FAM204A: variants seen among roughly 807,000 people sequenced by gnomAD.
FAM204A encodes the protein protein FAM204A.
In FAM204A, 16 loss-of-function variants were observed where a neutral mutation model predicts 35.4. The ratio of observed to expected loss-of-function variants is 0.45; its 90% CI spans 0.31 to 0.69. The LOEUF is 0.69. Ranked by LOEUF, FAM204A falls within the 30% of genes least tolerant of loss-of-function variation. The probability of loss-of-function intolerance (pLI) is 0.07; values close to 1 mark genes in which losing one functional copy is unlikely to be tolerated. For synonymous variants in FAM204A, 76 were observed against 86.9 expected, an observed-to-expected ratio of 0.88 and a Z score of 0.70; for missense variants, 240 against 265.7, an observed-to-expected ratio of 0.90 and a Z score of 0.67.
chr10:118,335,985 T>C, intron 3 of FAM204A, 197 bp downstream of exon 3: 1 of 597,944 alleles, frequency 1.7e-6, no homozygotes, highest in African/African-American at 1.9e-5. Flanking sequence ...TCCCCCTCCG[T>C]CTTTCTATGA....
At position 118,335,444 on chromosome 10, in the gene FAM204A, A is replaced by C. The variant is rs974059407; in HGVS notation, c.323-18T>G. 3.8e-6 allele frequency: 6 copies of C among 1,598,006 alleles called. No homozygotes were observed. In the African/African-American group the frequency reaches 8.1e-5, roughly 22 times the overall value. On this transcript the variant is annotated intron_variant, in intron 4 of 8. Coordinates refer to ENST00000369183, the MANE Select transcript of FAM204A (RefSeq NM_022063.3). Reference sequence around the variant, plus strand: ...CAATTTATCTGAAAAGAATTCACAAAGTGTCAATACCTAACTTCAGTAATT... The same window carrying C: ...CAATTTATCTGAAAAGAATTCACAACGTGTCAATACCTAACTTCAGTAATT...
chr10:118,340,949 G>A (rs1290478893), intron 2 of FAM204A, among the ~76,000 whole-genome samples: 10 of 152,096 alleles, frequency 6.6e-5, no homozygotes, highest in South Asian at 4.1e-4. Flanking sequence ...AGTTGTAAGC[G>A]GGGACAAGGA....
chr10:118,338,220 C>T (rs1164440533), intron 2 of FAM204A, among the ~76,000 whole-genome samples: 2 of 152,176 alleles, frequency 1.3e-5, no homozygotes, highest in Admixed American at 1.3e-4. Flanking sequence ...CCAGATCTAT[C>T]CCTAAACCTG....
rs1845872483 is a variant in FAM204A at position 118,306,923 on chromosome 10, A to G, written c.*3934T>C. 1 of 152,094 alleles carries G rather than the reference A, an allele frequency of 6.6e-6. No homozygotes were observed. The highest frequency in any genetic ancestry group is 1.5e-5 in the Non-Finnish European group (1 of 68,014). The allele number at this position is 152,094 out of a possible 1,614,324, so 9.4% of individuals were successfully genotyped here. A position where few individuals can be genotyped will look rare whatever the true frequency, so the allele number is the denominator to read the frequency against. On this transcript the variant is annotated 3_prime_UTR_variant, in exon 9 of 9. Coordinates refer to ENST00000369183, the MANE Select transcript of FAM204A (RefSeq NM_022063.3). ...TTAAAGCAAGCAGTGTGGAGGGAGG[A>G]TGAAATAATAAAGATTAAAGAATGC... is the stretch of plus-strand genomic sequence containing the variant.
chr10:118,336,553 T>C (rs1846390959), intron 2 of FAM204A, 130 bp from the exon 3 acceptor site: 6 of 762,464 alleles, frequency 7.9e-6, no homozygotes, highest in Non-Finnish European at 1.2e-5. Context: ...ACTTTTTTTT[T>C]TTAATCTAAA....
Position 118,303,946 on chromosome 10 carries a change from A to C in FAM204A, c.*6911T>G, listed in dbSNP as rs1291636916. On this transcript the variant is annotated 3_prime_UTR_variant, in exon 9 of 9. Coordinates refer to ENST00000369183, the MANE Select transcript of FAM204A (RefSeq NM_022063.3). The stretch of plus-strand genomic sequence containing the variant: ...CATGGGCTTTGCTCCCTCCCTTACA[A>C]ATGTTTCCTGAAGTGCATACTTTTA... 3 of 152,144 alleles carry C rather than the reference A, an allele frequency of 2.0e-5. No homozygotes were observed. Among genetic ancestry groups the C allele is most frequent in the Non-Finnish European group, 4.4e-5 (3 of 68,042 alleles). 9.4% of individuals were successfully genotyped at this position (152,144 alleles called of 1,614,324 possible).
At chr10:118,331,179 TAG>T (rs1383895094) in intron 6 of FAM204A, among the ~76,000 whole-genome samples, 2 of 152,116 alleles carry the variant, frequency 1.3e-5, no homozygotes, top group East Asian at 1.9e-4. Flanking sequence ...TCTCATGAAA[TAG>T]AGTCTGAGTA....
rs1176721837 is a variant in FAM204A, at chr10:118,306,384, A to ATATAAAAGCACATACTTAAAT, written c.*4452_*4472dup. 1.8e-4 allele frequency: 27 copies of ATATAAAAGCACATACTTAAAT among 152,328 alleles called. No homozygotes were observed. The highest frequency in any genetic ancestry group is 3.4e-3 in the Middle Eastern group (1 of 294). The allele number at this position is 152,328 out of a possible 1,614,324, so 9.4% of individuals were successfully genotyped here. On this transcript the variant is annotated 3_prime_UTR_variant, in exon 9 of 9. Coordinates refer to ENST00000369183, the MANE Select transcript of FAM204A (RefSeq NM_022063.3). ...TGCTTCCTTGAGAAACCTGGTCCGG[A>ATATAAAAGCACATACTTAAAT]TATAAAAGCACATACTTAAATTCAA...
chr10:118,314,898 A>G (rs748824037), intron 7 of FAM204A, among the ~76,000 whole-genome samples: 1 of 152,174 alleles, frequency 6.6e-6, no homozygotes, highest in Non-Finnish European at 1.5e-5. Context: ...CAGTAAGGAA[A>G]ATTAAGCTCT....
rs555832080 is a variant in FAM204A at position 118,298,262 on chromosome 10, TAA to T, written c.*12593_*12594del. 6.6e-6 allele frequency: 1 copy of T among 152,220 alleles called. No individual in the cohort carries two copies. Among genetic ancestry groups the T allele is most frequent in the South Asian group, 2.1e-4 (1 of 4,832 alleles). The allele number at this position is 152,220 out of a possible 1,614,324, so 9.4% of individuals were successfully genotyped here. A position where few individuals can be genotyped will look rare whatever the true frequency, so the allele number is the denominator to read the frequency against. On this transcript the variant is annotated 3_prime_UTR_variant, in exon 9 of 9. Coordinates refer to ENST00000369183, the MANE Select transcript of FAM204A (RefSeq NM_022063.3). ...GCCAGACAGGAAATCCACTGGTATT[TAA>T]AAAGATAGGTTGTGTGCATGGTACA...
intron 6 of FAM204A, among the ~76,000 whole-genome samples, chr10:118,329,934 CT>C (rs1345402492): frequency 6.6e-6 from 1 of 151,960 alleles, no homozygotes; most frequent in Non-Finnish European, 1.5e-5. Context: ...AATAATGCCC[CT>C]ATGGTTAAAA....
rs1350927143 is a variant in FAM204A at position 118,298,192 on chromosome 10, AACCC to A, written c.*12661_*12664del. 6.6e-6 allele frequency: 1 copy of A among 152,196 alleles called. No homozygotes were observed. The highest frequency in any genetic ancestry group is 1.5e-5 in the Non-Finnish European group (1 of 68,044). The allele number at this position is 152,196 out of a possible 1,614,324, so 9.4% of individuals were successfully genotyped here. On this transcript the variant is annotated 3_prime_UTR_variant, in exon 9 of 9. Transcript: ENST00000369183. ...TTTTTGAGCCCCAGTCCCTGGAACTAACCCATCTACTTTCCTTGAATCTCTTCCT... is the reference window on the plus strand; with the variant it reads ...TTTTTGAGCCCCAGTCCCTGGAACTAATCTACTTTCCTTGAATCTCTTCCT...
At chr10:118,335,041 C>A in intron 6 of FAM204A, 73 bp downstream of exon 6, 4 of 1,072,556 alleles carry the variant, frequency 3.7e-6, no homozygotes, top group South Asian at 1.4e-5. Context: ...TTAATGAGGA[C>A]AAGTACTTTA....
At chr10:118,328,815 A>G (rs1305383898) in intron 6 of FAM204A, among the ~76,000 whole-genome samples, 2 of 152,040 alleles carry the variant, frequency 1.3e-5, no homozygotes, top group Non-Finnish European at 2.9e-5. Context: ...AAAACTACCC[A>G]CTATCTCCTC....
At chr10:118,335,269 T>C (rs1846362560) in intron 5 of FAM204A, 56 bp from the exon 6 acceptor site, 1 of 1,565,408 alleles carries the variant, frequency 6.4e-7, no homozygotes, top group South Asian at 1.2e-5. Flanking sequence ...TTACTTTTAC[T>C]GTTTTTAATC....
rs1469528911 is a variant in FAM204A, at chr10:118,304,660, C to T, written c.*6197G>A. The stretch of plus-strand genomic sequence containing the variant: ...CCTACCTGGTAAAGTCCCAACAGCC[C>T]TTTATGGCATAATAAGCACTGCCTT... On this transcript the variant is annotated 3_prime_UTR_variant, in exon 9 of 9. Coordinates refer to ENST00000369183, the MANE Select transcript of FAM204A (RefSeq NM_022063.3). 6.6e-6 allele frequency: 1 copy of T among 152,252 alleles called. No homozygotes were observed. The highest frequency in any genetic ancestry group is 2.4e-5 in the African/African-American group (1 of 41,442). The allele number at this position is 152,252 out of a possible 1,614,324, so 9.4% of individuals were successfully genotyped here.
At chr10:118,328,458 A>C (rs987073635) in intron 6 of FAM204A, among the ~76,000 whole-genome samples, 3 of 151,360 alleles carry the variant, frequency 2.0e-5, no homozygotes, top group Non-Finnish European at 4.4e-5. Context: ...CCAGCAATCC[A>C]TATGATTCTG....
chr10:118,319,917 G>C (rs958060888), intron 7 of FAM204A, among the ~76,000 whole-genome samples: 3 of 151,842 alleles, frequency 2.0e-5, no homozygotes, highest in African/African-American at 7.2e-5. Context: ...GCTACTTACA[G>C]AAAAAGGATA....
In FAM204A at chr10:118,332,173, G is replaced by GAAAAAAAA. The variant is rs59564428; in HGVS notation, c.453+2933_453+2940dup. Reference sequence around the variant, plus strand: ...GGCAACAGAGCAAGACTCTGTTTCAGAAAAAAAAAAAAAAAATCATATGAG... The same window carrying GAAAAAAAA: ...GGCAACAGAGCAAGACTCTGTTTCAGAAAAAAAAAAAAAAAAAAAAAAAATCATATGAG... On this transcript the variant is annotated intron_variant, in intron 6 of 8. Transcript: ENST00000369183. Among the ~76,000 whole-genome samples, 4 of 54,158 alleles carry GAAAAAAAA rather than the reference G, an allele frequency of 7.4e-5. 1 individual carries two copies. Among genetic ancestry groups the GAAAAAAAA allele is most frequent in the Non-Finnish European group, 9.7e-5 (3 of 30,864 alleles). 35.5% of individuals were successfully genotyped at this position (54,158 alleles called of 152,430 possible).
Sources: allele counts gnomAD v4.1 joint callset (sites outside exome capture counted in the v4.1 genomes callset), GRCh38; gene constraint gnomAD v4.1.1; transcripts MANE v1.5; gene names NCBI Gene and HGNC (gene_info 2026-07-23, HGNC 2026-07-21).